The following HTRA3 variants were observed in gnomAD, a reference collection of about 807,000 sequenced individuals.
HTRA3 encodes serine protease HTRA3.
In HTRA3, 41 loss-of-function variants were observed where a neutral mutation model predicts 43.2. That is an observed-to-expected ratio of 0.95 (90% CI 0.74 to 1.23). The LOEUF (loss-of-function observed/expected upper bound fraction) is 1.23. Ranked by LOEUF, HTRA3 falls within the 50% of genes most tolerant of loss-of-function variation. The probability of loss-of-function intolerance (pLI) is 0.00; values close to 1 mark genes in which losing one functional copy is unlikely to be tolerated. For missense variants in HTRA3, 628 were observed against 647.1 expected, an observed-to-expected ratio of 0.97 and a Z score of 0.32; for synonymous variants, 295 against 287.9, an observed-to-expected ratio of 1.02 and a Z score of -0.25.
chr4:8,304,374 C>A, intron 8 of HTRA3, 95 bp downstream of exon 8: 1 of 928,650 alleles, frequency 1.1e-6, no homozygotes, highest in Non-Finnish European at 1.7e-6. Flanking sequence ...TTGAGCTTCC[C>A]AGCAAAGTGA....
chr4:8,278,427 T>G (rs1387910299), intron 1 of HTRA3, among the ~76,000 whole-genome samples: 7 of 150,238 alleles, frequency 4.7e-5, no homozygotes, highest in Non-Finnish European at 1.5e-5. Context: ...TGAATCTGGT[T>G]GAGACTGACT....
At chr4:8,302,324 G>A in intron 6 of HTRA3, 139 bp from the exon 7 acceptor site, 2 of 758,734 alleles carry the variant, frequency 2.6e-6, no homozygotes. Context: ...ACCGCAGGGG[G>A]ACTGGGCCAG....
At chr4:8,293,991 T>A (rs1713342790) in intron 5 of HTRA3, 96 bp from the exon 6 acceptor site, 1 of 762,230 alleles carries the variant, frequency 1.3e-6, no homozygotes, top group African/African-American at 1.7e-5. Context: ...ACAGCTGGGG[T>A]CAGCCTCTAG....
chr4:8,288,168 G>A (rs1403277174), intron 3 of HTRA3, among the ~76,000 whole-genome samples: 2 of 152,212 alleles, frequency 1.3e-5, no homozygotes, highest in African/African-American at 4.8e-5. Context: ...ACCCTTCCCT[G>A]CTTTTCAGAC....
chr4:8,270,106 C>T lies in HTRA3; in HGVS notation c.138C>T (p.Asp46=), dbSNP rs1294866697. Residue 46 remains aspartate, a synonymous_variant, in exon 1 of 9, where the codon GAC becomes GAT. Transcript: ENST00000307358. ...GCTGCCCCGGCGGCTACGTGCCCGA[C>T]CTCTGCAACTGCTGCCTGGTGTGCG... ...SPRCPGGYVP[D]LCNCCLVCAA... 6.5e-7 allele frequency: 1 copy of T among 1,541,142 alleles called. No homozygotes were observed. Among genetic ancestry groups the T allele is most frequent in the Non-Finnish European group, 8.7e-7 (1 of 1,155,792 alleles).
intron 1 of HTRA3, among the ~76,000 whole-genome samples, chr4:8,271,448 A>G (rs1164764676): frequency 1.3e-5 from 2 of 152,136 alleles, no homozygotes; most frequent in African/African-American, 2.4e-5. Flanking sequence ...TCCTCCCAGC[A>G]CGCTGGGGTT....
chr4:8,288,577 T>C lies in HTRA3; in HGVS notation c.708+1794T>C, dbSNP rs1327137750. Among the ~76,000 whole-genome samples, 4 of 25,788 alleles carry C rather than the reference T, an allele frequency of 1.6e-4. No individual in the cohort carries two copies. In the East Asian group the frequency reaches 0.014, roughly 90 times the overall value. 16.9% of individuals were successfully genotyped at this position (25,788 alleles called of 152,430 possible). A position where few individuals can be genotyped will look rare whatever the true frequency, so the allele number is the denominator to read the frequency against. The stretch of plus-strand genomic sequence containing the variant: ...GGCGTGAACCACCGTGCCTAGCCTT[T>C]TTTTTTTTTTTTTGAGACGGGTTCT... On this transcript the variant is annotated intron_variant, in intron 3 of 8. Coordinates refer to ENST00000307358, the MANE Select transcript of HTRA3 (RefSeq NM_053044.5).
rs1271501903 is a variant in HTRA3 at position 8,306,982 on chromosome 4, C to G, written c.*846C>G. 6.5e-6 allele frequency: 1 copy of G among 152,756 alleles called. No individual in the cohort carries two copies. The highest frequency in any genetic ancestry group is 1.5e-5 in the Non-Finnish European group (1 of 68,110). The allele number at this position is 152,756 out of a possible 1,614,324, so 9.5% of individuals were successfully genotyped here. A position where few individuals can be genotyped will look rare whatever the true frequency, so the allele number is the denominator to read the frequency against. ...TGCAGGCTGCTGGGCACCACCCCCT[C>G]ATCCAGGGAACGAGTGTGTCTCAAG... On this transcript the variant is annotated 3_prime_UTR_variant, in exon 9 of 9. Coordinates refer to ENST00000307358, the MANE Select transcript of HTRA3 (RefSeq NM_053044.5). This position sits in a 1 kb window ranked among gnomAD's most constrained non-coding sequence, Gnocchi z 8.9.
intron 1 of HTRA3, among the ~76,000 whole-genome samples, chr4:8,271,061 G>A (rs1334752973): frequency 6.6e-6 from 1 of 152,244 alleles, no homozygotes; most frequent in Non-Finnish European, 1.5e-5. Context: ...GAAGACAGGC[G>A]ACGGGCCCCA....
At chr4:8,299,747 A>G (rs1713573262) in intron 6 of HTRA3, among the ~76,000 whole-genome samples, 1 of 151,948 alleles carries the variant, frequency 6.6e-6, no homozygotes, top group Admixed American at 6.6e-5. Flanking sequence ...TAGTCTGTTA[A>G]TGTGGTAAAT....
In HTRA3 at chr4:8,293,495, G is replaced by C. The variant is rs189388964; in HGVS notation, c.937-592G>C. Reference sequence around the variant, plus strand: ...GGCCAGGCCCTGACAGGGAGGGCAGGGCTAGGGGTATAAGCCAGGCTGTGG... The same window carrying C: ...GGCCAGGCCCTGACAGGGAGGGCAGCGCTAGGGGTATAAGCCAGGCTGTGG... On this transcript the variant is annotated intron_variant, in intron 5 of 8. Transcript: ENST00000307358. Among the ~76,000 whole-genome samples, 211 of 152,316 alleles carry C rather than the reference G, an allele frequency of 1.4e-3. 1 individual carries two copies. Among genetic ancestry groups the C allele is most frequent in the Non-Finnish European group, 2.6e-3 (177 of 68,014 alleles).
chr4:8,300,941 TATTG>T (rs893320871), intron 6 of HTRA3, among the ~76,000 whole-genome samples: 2 of 152,156 alleles, frequency 1.3e-5, no homozygotes, highest in East Asian at 1.9e-4. Flanking sequence ...TCATCTTTAT[TATTG>T]ATTCACACTC....
chr4:8,288,645 T>C (rs1713094500), intron 3 of HTRA3, among the ~76,000 whole-genome samples: 1 of 150,590 alleles, frequency 6.6e-6, no homozygotes, highest in African/African-American at 2.4e-5. Context: ...GGATCTCGGC[T>C]CACTGCAACC....
chr4:8,306,176 A>G lies in HTRA3; in HGVS notation c.*40A>G. ...CAGCGCCAAGCGTCAGAGCCTGCAGACAACGGAGGGCAGCGCCCCCCCGAG... is the reference window on the plus strand; with the variant it reads ...CAGCGCCAAGCGTCAGAGCCTGCAGGCAACGGAGGGCAGCGCCCCCCCGAG... On this transcript the variant is annotated 3_prime_UTR_variant, in exon 9 of 9. Transcript: ENST00000307358. The surrounding 1 kb of genome is among the most constrained non-coding windows in gnomAD (Gnocchi z 8.9). The G allele has an allele frequency of 6.5e-7, 1 of 1,527,826 alleles. No homozygotes were observed. The highest frequency in any genetic ancestry group is 8.8e-7 in the Non-Finnish European group (1 of 1,133,032). 94.6% of individuals were successfully genotyped at this position (1,527,826 alleles called of 1,614,324 possible).
Position 8,295,559 on chromosome 4 carries a change from C to A in HTRA3, c.1051+1358C>A, listed in dbSNP as rs923113880. ...ATCGCAGGGCCTTTCCTGGGGGCCT[C>A]TCCCTCCCCACCTTCTCTTCAGCCC... On this transcript the variant is annotated intron_variant, in intron 6 of 8. Coordinates refer to ENST00000307358, the MANE Select transcript of HTRA3 (RefSeq NM_053044.5). The surrounding 1 kb of genome is among the most constrained non-coding windows in gnomAD (Gnocchi z 6.9). The A allele has an allele frequency of 1.8e-6, 1 of 552,588 alleles. No homozygotes were observed. Among genetic ancestry groups the A allele is most frequent in the East Asian group, 3.5e-5 (1 of 28,714 alleles). 34.2% of individuals were successfully genotyped at this position (552,588 alleles called of 1,614,324 possible). A position where few individuals can be genotyped will look rare whatever the true frequency, so the allele number is the denominator to read the frequency against.
intron 1 of HTRA3, among the ~76,000 whole-genome samples, chr4:8,280,146 T>C (rs2153004423): frequency 6.6e-6 from 1 of 151,532 alleles, no homozygotes; most frequent in South Asian, 2.1e-4. Context: ...GAAACTGGAG[T>C]TGGTGGCCCG....
Position 8,295,390 on chromosome 4 carries a change from C to T in HTRA3, c.1051+1189C>T, listed in dbSNP as rs1167072326. 1.3e-5 allele frequency among the ~76,000 whole-genome samples: 2 copies of T among 152,036 alleles called. No individual in the cohort carries two copies. The highest frequency in any genetic ancestry group is 3.9e-4 in the East Asian group (2 of 5,164). On this transcript the variant is annotated intron_variant, in intron 6 of 8. Transcript: ENST00000307358. This position sits in a 1 kb window ranked among gnomAD's most constrained non-coding sequence, Gnocchi z 6.9. Reference sequence around the variant, plus strand: ...CCATCAAAAAGGGATACCCAGCCCACCCTGCCCACTCCTAGATTGCCATGA... The same window carrying T: ...CCATCAAAAAGGGATACCCAGCCCATCCTGCCCACTCCTAGATTGCCATGA...
intron 6 of HTRA3, among the ~76,000 whole-genome samples, chr4:8,298,908 G>A (rs1713550285): frequency 6.6e-6 from 1 of 152,214 alleles, no homozygotes; most frequent in Non-Finnish European, 1.5e-5. Flanking sequence ...GGCAGGCAGT[G>A]TGAGTCCCCC....
chr4:8,291,064 T>C (rs368344235), intron 3 of HTRA3, among the ~76,000 whole-genome samples: 12 of 152,334 alleles, frequency 7.9e-5, no homozygotes, highest in African/African-American at 2.6e-4. Flanking sequence ...CATCAGATCA[T>C]TGGGCTCAAC....
Sources: gnomAD v4.1 joint callset for allele counts (sites outside exome capture counted in the v4.1 genomes callset) on GRCh38, gnomAD v4.1.1 for gene constraint, Gnocchi (gnomAD v3.1) non-coding constraint, MANE v1.5 for transcripts, NCBI Gene and HGNC (gene_info 2026-07-23, HGNC 2026-07-21) for gene names.